The following EGLN1 variants were observed in gnomAD, a reference collection of about 807,000 sequenced individuals.
The protein encoded by EGLN1 is egl nine homolog 1.
EGLN1 carries 17 observed loss-of-function variants against 38.3 expected under a neutral mutation model. The observed-to-expected ratio is 0.44, with a 90% CI of 0.30 to 0.67. EGLN1 has a LOEUF of 0.67. Ranked by LOEUF, EGLN1 falls within the 30% of genes least tolerant of loss-of-function variation. EGLN1 has a pLI of 0.08. For missense variants in EGLN1, 477 were observed against 603.3 expected (o/e 0.79, Z 2.19); for synonymous variants, 283 against 257.5 (o/e 1.10, Z -0.95).
intron 1 of EGLN1, among the ~76,000 whole-genome samples, chr1:231,412,220 T>C (rs1371602568): frequency 1.3e-5 from 2 of 152,150 alleles, no homozygotes; most frequent in Non-Finnish European, 2.9e-5. Context: ...AACTTTCTTC[T>C]TCTTCACTAC....
chr1:231,373,801 CAT>C (rs1687890561), intron 2 of EGLN1, among the ~76,000 whole-genome samples, 177 bp downstream of exon 2: 1 of 152,136 alleles, frequency 6.6e-6, no homozygotes, highest in South Asian at 2.1e-4. Flanking sequence ...TGTTGTATAA[CAT>C]AGAGTAGTAT....
chr1:231,391,083 G>GTTTTTT lies in EGLN1; in HGVS notation c.892-16990_892-16985dup, dbSNP rs111257907. ...GTGTGTGAGACAGGGAACTCATTCT[G>GTTTTTT]TTTTTTTTTTGTGTGTGTGTGTGTG... On this transcript the variant is annotated intron_variant, in intron 1 of 4. Transcript: ENST00000366641. Among the ~76,000 whole-genome samples, 49 of 49,826 alleles carry GTTTTTT rather than the reference G, an allele frequency of 9.8e-4. 3 individuals are homozygous for GTTTTTT. The highest frequency in any genetic ancestry group is 2.3e-3 in the African/African-American group (43 of 19,038). 32.7% of individuals were successfully genotyped at this position (49,826 alleles called of 152,430 possible). A position where few individuals can be genotyped will look rare whatever the true frequency, so the allele number is the denominator to read the frequency against.
chr1:231,381,882 G>A (rs942398493), intron 1 of EGLN1, among the ~76,000 whole-genome samples: 23 of 152,146 alleles, frequency 1.5e-4, no homozygotes, highest in African/African-American at 5.6e-4. Flanking sequence ...CAAACTTCAT[G>A]AGGAAGACAG....
rs190701374 is a variant in EGLN1, at chr1:231,375,763, C to T, written c.892-1664G>A. Among the ~76,000 whole-genome samples the T allele has an allele frequency of 2.6e-4, 39 of 152,196 alleles. No individual in the cohort carries two copies. The East Asian group carries it at 5.0e-3, about 20-fold the overall frequency. On this transcript the variant is annotated intron_variant, in intron 1 of 4. Coordinates refer to ENST00000366641, the MANE Select transcript of EGLN1 (RefSeq NM_022051.3). ...CAAATGATTTTCTTGTCACTAGCTA[C>T]CCAGGAAAGAAGTTTACCTTGAATA...
At chr1:231,394,523 C>CCAG (rs1267504837) in intron 1 of EGLN1, among the ~76,000 whole-genome samples, 1 of 148,294 alleles carries the variant, frequency 6.7e-6, no homozygotes, top group African/African-American at 2.5e-5. Context: ...GGACTACAGG[C>CCAG]GCCCGCCACC....
Position 231,421,930 on chromosome 1 carries a change from A to T in EGLN1, c.-42T>A. 1 of 1,355,512 alleles carries T rather than the reference A, an allele frequency of 7.4e-7. No individual in the cohort carries two copies. The highest frequency in any genetic ancestry group is 4.1e-5 in the Admixed American group (1 of 24,666). 84.0% of individuals were successfully genotyped at this position (1,355,512 alleles called of 1,614,324 possible). A position where few individuals can be genotyped will look rare whatever the true frequency, so the allele number is the denominator to read the frequency against. On this transcript the variant is annotated 5_prime_UTR_variant, in exon 1 of 5. Coordinates refer to ENST00000366641, the MANE Select transcript of EGLN1 (RefSeq NM_022051.3). The surrounding 1 kb of genome is among the most constrained non-coding windows in gnomAD (Gnocchi z 5.5). ...GCGACGGCGACTGCGGCGGCCGAGC[A>T]GGAGGGGTAGCGGCCGGACGGCCTC...
intron 1 of EGLN1, among the ~76,000 whole-genome samples, chr1:231,403,613 A>C (rs1688715207): frequency 6.6e-6 from 1 of 151,712 alleles, no homozygotes. Context: ...TCTACTAAAA[A>C]TACAAAAATT....
chr1:231,378,063 C>G (rs1174593876), intron 1 of EGLN1, among the ~76,000 whole-genome samples: 1 of 152,098 alleles, frequency 6.6e-6, no homozygotes, highest in East Asian at 1.9e-4. Flanking sequence ...CTGGCATTCC[C>G]TAGGTCCCTT....
At chr1:231,417,457 C>T (rs1377674904) in intron 1 of EGLN1, among the ~76,000 whole-genome samples, 6 of 152,088 alleles carry the variant, frequency 3.9e-5, no homozygotes. Flanking sequence ...TTCCCATGAT[C>T]CTCACTCCTC....
intron 1 of EGLN1, among the ~76,000 whole-genome samples, chr1:231,389,112 T>G (rs929265283): frequency 6.6e-6 from 1 of 152,228 alleles, no homozygotes; most frequent in East Asian, 1.9e-4. Flanking sequence ...TGATCTCAAT[T>G]GAATCAACAT....
chr1:231,401,168 T>A (rs751854276), intron 1 of EGLN1, among the ~76,000 whole-genome samples: 2 of 152,196 alleles, frequency 1.3e-5, no homozygotes, highest in Non-Finnish European at 2.9e-5. Context: ...ACTTCACATG[T>A]CTTAGCTAGG....
At chr1:231,371,371 A>C (rs1687818042) in intron 2 of EGLN1, among the ~76,000 whole-genome samples, 1 of 152,204 alleles carries the variant, frequency 6.6e-6, no homozygotes, top group Non-Finnish European at 1.5e-5. Context: ...TTATTATTAG[A>C]AATAAATTAT....
intron 1 of EGLN1, among the ~76,000 whole-genome samples, chr1:231,382,765 G>T (rs1688104309): frequency 6.6e-6 from 1 of 152,102 alleles, no homozygotes; most frequent in Admixed American, 6.5e-5. Flanking sequence ...TTCCATAAAA[G>T]GTGCTTGGCA....
intron 1 of EGLN1, among the ~76,000 whole-genome samples, chr1:231,406,605 T>A (rs1354577176): frequency 6.6e-6 from 1 of 152,134 alleles, no homozygotes; most frequent in African/African-American, 2.4e-5. Context: ...GAGCAAGAAC[T>A]GAACACACAC....
At position 231,422,038 on chromosome 1, in the gene EGLN1, C is replaced by A. The variant is rs1021472173; in HGVS notation, c.-150G>T. 83 of 846,020 alleles carry A rather than the reference C, an allele frequency of 9.8e-5. No homozygotes were observed. Among genetic ancestry groups the A allele is most frequent in the Non-Finnish European group, 1.3e-4 (79 of 622,562 alleles). 52.4% of individuals were successfully genotyped at this position (846,020 alleles called of 1,614,324 possible). ...TACCCTCGCCTCAGGGAGGCCGGCA[C>A]CCCACGCCCTCGGCCCGGCCGCTTC... On this transcript the variant is annotated 5_prime_UTR_variant, in exon 1 of 5. Coordinates refer to ENST00000366641, the MANE Select transcript of EGLN1 (RefSeq NM_022051.3).
chr1:231,395,236 C>T (rs757170434), intron 1 of EGLN1, among the ~76,000 whole-genome samples: 8 of 152,144 alleles, frequency 5.3e-5, no homozygotes, highest in East Asian at 1.9e-4. Context: ...TTTTAGCTAC[C>T]GCCCAATCAT....
intron 1 of EGLN1, among the ~76,000 whole-genome samples, chr1:231,396,032 T>TAAAA (rs201443732): frequency 9.7e-5 from 4 of 41,186 alleles, no homozygotes; most frequent in East Asian, 9.4e-4. Context: ...CCCCACTCCT[T>TAAAA]TAAAAAGAAA....
intron 1 of EGLN1, among the ~76,000 whole-genome samples, chr1:231,383,610 G>C (rs919703896): frequency 2.6e-5 from 4 of 152,216 alleles, no homozygotes; most frequent in Admixed American, 6.5e-5. Context: ...ATGGTGCCTT[G>C]AGAGAAATGC....
rs1382798594 is a variant in EGLN1, at chr1:231,396,198, A to AC, written c.892-22100dup. 3.5e-5 allele frequency among the ~76,000 whole-genome samples: 5 copies of AC among 141,484 alleles called. No homozygotes were observed. In the South Asian group the frequency reaches 6.9e-4, roughly 20 times the overall value. 92.8% of individuals were successfully genotyped at this position (141,484 alleles called of 152,430 possible). A position where few individuals can be genotyped will look rare whatever the true frequency, so the allele number is the denominator to read the frequency against. On this transcript the variant is annotated intron_variant, in intron 1 of 4. Coordinates refer to ENST00000366641, the MANE Select transcript of EGLN1 (RefSeq NM_022051.3). ...TCCTTTTCTTTCAATACACATCCCC[A>AC]CCCCCTTCCTCTACTGACCCAGGCA...
Sources: gnomAD v4.1 joint callset for allele counts (sites outside exome capture counted in the v4.1 genomes callset) on GRCh38, gnomAD v4.1.1 for gene constraint, Gnocchi (gnomAD v3.1) non-coding constraint, MANE v1.5 for transcripts, NCBI Gene and HGNC (gene_info 2026-07-23, HGNC 2026-07-21) for gene names.